GPR89A: variants seen among roughly 807,000 people sequenced by gnomAD.
GPR89A encodes the protein golgi pH regulator A.
Under a neutral mutation model 52.0 loss-of-function variants are expected in GPR89A, and 16 were observed. The ratio of observed to expected loss-of-function variants is 0.31; its 90% CI spans 0.21 to 0.47. The LOEUF (loss-of-function observed/expected upper bound fraction) is 0.47, where lower values mean the gene tolerates loss of function less well. Ranked by LOEUF, GPR89A falls within the 20% of genes least tolerant of loss-of-function variation. The pLI, the probability that GPR89A is intolerant of heterozygous loss-of-function variation, is 1.00. For missense variants in GPR89A, 135 were observed against 449.4 expected, an observed-to-expected ratio of 0.30 and a Z score of 6.33; for synonymous variants, 55 against 150.9, an observed-to-expected ratio of 0.36 and a Z score of 4.66.
At chr1:145,658,577 C>T (rs1553694883) in intron 10 of GPR89A, among the ~76,000 whole-genome samples, 3 of 145,910 alleles carry the variant, frequency 2.1e-5, no homozygotes, top group South Asian at 2.3e-4. Context: ...TGCAGTGAGC[C>T]GTGATTGTGC....
At chr1:145,617,729 GT>G (rs1403928659) in intron 2 of GPR89A, among the ~76,000 whole-genome samples, 11 of 152,006 alleles carry the variant, frequency 7.2e-5, no homozygotes, top group African/African-American at 2.7e-4. Flanking sequence ...GGCTGGTGTT[GT>G]TTTTATCTTA....
chr1:145,657,216 A>T (rs1444106127), intron 10 of GPR89A, among the ~76,000 whole-genome samples: 1 of 148,298 alleles, frequency 6.7e-6, no homozygotes, highest in Non-Finnish European at 1.5e-5. Context: ...CAGCATAGCA[A>T]GACCCCATCT....
intron 10 of GPR89A, among the ~76,000 whole-genome samples, chr1:145,656,837 C>G (rs1651838425): frequency 6.6e-6 from 1 of 151,174 alleles, no homozygotes; most frequent in Non-Finnish European, 1.5e-5. Flanking sequence ...CCTAGATGCC[C>G]TTTATCAGGT....
At chr1:145,663,287 G>A in intron 10 of GPR89A, 42 bp from the exon 11 acceptor site, 1 of 1,607,528 alleles carries the variant, frequency 6.2e-7, no homozygotes, top group Non-Finnish European at 8.5e-7. Context: ...AATAGTAAGT[G>A]ATTGTTAAGA....
intron 12 of GPR89A, among the ~76,000 whole-genome samples, chr1:145,669,157 G>C (rs1263972672): frequency 6.6e-6 from 1 of 151,820 alleles, no homozygotes; most frequent in South Asian, 2.1e-4. Flanking sequence ...CTTCACGGAG[G>C]TGGAAAGTGA....
rs587689363 is a variant in GPR89A, at chr1:145,628,888, C to T, written c.416-1799C>T. Among the ~76,000 whole-genome samples, 253 of 152,006 alleles carry T rather than the reference C, an allele frequency of 1.7e-3. 2 individuals are homozygous for T. Among genetic ancestry groups the T allele is most frequent in the Admixed American group, 4.0e-3 (61 of 15,270 alleles). On this transcript the variant is annotated intron_variant, in intron 5 of 13. Transcript: ENST00000313835. The stretch of plus-strand genomic sequence containing the variant: ...AAATAGATGGGGGTTGGTAACTAGA[C>T]GTAAACTCGAAGCCAAGAACAGAAT...
chr1:145,617,552 A>G (rs1363327502), intron 2 of GPR89A, among the ~76,000 whole-genome samples: 1 of 152,156 alleles, frequency 6.6e-6, no homozygotes, highest in Non-Finnish European at 1.5e-5. Flanking sequence ...ATAAATGTCC[A>G]TGAAATCTTC....
chr1:145,648,766 C>T (rs1651229953), intron 10 of GPR89A, among the ~76,000 whole-genome samples: 1 of 147,528 alleles, frequency 6.8e-6, no homozygotes, highest in Admixed American at 6.8e-5. Context: ...CAGGCGTGAG[C>T]CATCATCACA....
chr1:145,612,394 G>T (rs1413715771), intron 1 of GPR89A: 2 of 152,048 alleles, frequency 1.3e-5, no homozygotes, highest in Non-Finnish European at 2.9e-5. Flanking sequence ...TTTGATCTTA[G>T]AGTAGCGTAT....
intron 10 of GPR89A, among the ~76,000 whole-genome samples, chr1:145,649,133 G>GGTAT (rs1651268049): frequency 6.6e-6 from 1 of 151,942 alleles, no homozygotes; most frequent in Non-Finnish European, 1.5e-5. Context: ...GGTTTATTGG[G>GGTAT]GTATAACTGA....
intron 1 of GPR89A, among the ~76,000 whole-genome samples, chr1:145,609,641 G>C (rs1420488514): frequency 6.6e-6 from 1 of 152,170 alleles, no homozygotes; most frequent in Non-Finnish European, 1.5e-5. Flanking sequence ...AATGTCAGTA[G>C]AAAATTGGCT....
At chr1:145,667,159 A>G (rs1652624537) in intron 12 of GPR89A, among the ~76,000 whole-genome samples, 1 of 152,200 alleles carries the variant, frequency 6.6e-6, no homozygotes, top group South Asian at 2.1e-4. Context: ...AGGAATTGCC[A>G]CACTGCCTTC....
At chr1:145,629,993 A>G (rs1273463323) in intron 5 of GPR89A, among the ~76,000 whole-genome samples, 1 of 152,222 alleles carries the variant, frequency 6.6e-6, no homozygotes, top group Non-Finnish European at 1.5e-5. Flanking sequence ...TGCAATGCCA[A>G]ACTTACTGAG....
At position 145,610,436 on chromosome 1, in the gene GPR89A, T is replaced by C. The variant is rs1281139664; in HGVS notation, c.42+2261T>C. Among the ~76,000 whole-genome samples the C allele has an allele frequency of 6.6e-5, 10 of 152,282 alleles. No individual in the cohort carries two copies. In the East Asian group the frequency reaches 1.9e-3, roughly 29 times the overall value. On this transcript the variant is annotated intron_variant, in intron 1 of 13. Transcript: ENST00000313835. ...ACTTCCTGAACTTCTTTTAGTTCCC[T>C]AACCTGGCGATGCTATGGTGCCTCC...
At chr1:145,663,623 TTC>T in intron 11 of GPR89A, among the ~76,000 whole-genome samples, 199 bp downstream of exon 11, 1 of 152,228 alleles carries the variant, frequency 6.6e-6, no homozygotes, top group East Asian at 1.9e-4. Context: ...AAGGCCAAGA[TTC>T]TCTCTCTTAA....
chr1:145,611,270 T>G (rs1269762580), intron 1 of GPR89A, among the ~76,000 whole-genome samples: 1 of 151,082 alleles, frequency 6.6e-6, no homozygotes, highest in African/African-American at 2.4e-5. Context: ...AGGTTTGGGG[T>G]ACAAATGATC....
chr1:145,663,084 G>A (rs587769306), intron 10 of GPR89A, among the ~76,000 whole-genome samples: 10 of 152,248 alleles, frequency 6.6e-5, no homozygotes, highest in South Asian at 4.1e-4. Context: ...GCATAATGCC[G>A]TAGCTTTATT....
At chr1:145,656,124 C>T (rs1276667509) in intron 10 of GPR89A, among the ~76,000 whole-genome samples, 10 of 152,270 alleles carry the variant, frequency 6.6e-5, no homozygotes, top group African/African-American at 1.9e-4. Flanking sequence ...ACCACCTATT[C>T]TCCCCGGCAC....
chr1:145,662,387 C>T (rs1432054498), intron 10 of GPR89A, among the ~76,000 whole-genome samples: 4 of 151,784 alleles, frequency 2.6e-5, no homozygotes, highest in South Asian at 2.1e-4. Context: ...CTACTTTGTC[C>T]GACATTAATA....
Sources: gnomAD v4.1 joint callset for allele counts (sites outside exome capture counted in the v4.1 genomes callset) on GRCh38, gnomAD v4.1.1 for gene constraint, MANE v1.5 for transcripts, NCBI Gene and HGNC (gene_info 2026-07-23, HGNC 2026-07-21) for gene names.